The following SLC14A1 variants were observed in gnomAD, a reference collection of about 807,000 sequenced individuals.
SLC14A1 encodes the protein solute carrier family 14 member 1 (Kidd blood group).
Under a neutral mutation model 39.6 loss-of-function variants are expected in SLC14A1, and 36 were observed. The ratio of observed to expected loss-of-function variants is 0.91; its 90% CI spans 0.70 to 1.20. The LOEUF is 1.20. Among genes scored for constraint, SLC14A1 ranks in the 50% most tolerant of loss-of-function variants. The probability of loss-of-function intolerance (pLI) is 0.00; values close to 1 mark genes in which losing one functional copy is unlikely to be tolerated. For synonymous variants in SLC14A1, 164 were observed against 173.6 expected, an observed-to-expected ratio of 0.94 and a Z score of 0.43; for missense variants, 469 against 478.7, an observed-to-expected ratio of 0.98 and a Z score of 0.19.
chr18:45,739,923 T>C (rs2047311408), intron 8 of SLC14A1: 1 of 530,720 alleles, frequency 1.9e-6, no homozygotes, highest in South Asian at 2.1e-5. Flanking sequence ...TTTGGGAGGA[T>C]AGAAAAAGAA....
intron 6 of SLC14A1, among the ~76,000 whole-genome samples, chr18:45,738,687 T>C (rs1436872730): frequency 2.0e-5 from 3 of 152,218 alleles, no homozygotes; most frequent in African/African-American, 7.2e-5. Flanking sequence ...AGTGTAAGCA[T>C]CCAAATTGCA....
chr18:45,731,260 AG>A, intron 4 of SLC14A1, 56 bp downstream of exon 4: 1 of 1,532,732 alleles, frequency 6.5e-7, no homozygotes, highest in East Asian at 2.2e-5. Context: ...GGGGCTGACC[AG>A]TTACTGTGGG....
At chr18:45,737,284 G>A (rs493363) in intron 6 of SLC14A1, among the ~76,000 whole-genome samples, 39,304 of 152,128 alleles carry the variant, frequency 0.26, 6,515 homozygotes, top group Non-Finnish European at 0.37. Flanking sequence ...ACTGTATCAA[G>A]GGGTGAATCC....
intron 8 of SLC14A1, among the ~76,000 whole-genome samples, chr18:45,746,343 C>T (rs1311835044): frequency 6.6e-6 from 1 of 152,218 alleles, no homozygotes; most frequent in Admixed American, 6.5e-5. Context: ...TACTGTAAGG[C>T]TTTCCCGGTC....
intron 9 of SLC14A1, 64 bp from the exon 10 acceptor site, chr18:45,749,714 C>G (rs1332645184): frequency 1.9e-6 from 3 of 1,588,388 alleles, no homozygotes; most frequent in African/African-American, 1.3e-5. Context: ...GAGGGGGATG[C>G]CTTGTGCAGC....
Position 45,750,179 on chromosome 18 carries a change from C to A in SLC14A1, c.*228C>A. The A allele has an allele frequency of 1.4e-6, 2 of 1,425,864 alleles. No homozygotes were observed. The highest frequency in any genetic ancestry group is 1.5e-5 in the South Asian group (1 of 66,336). The allele number at this position is 1,425,864 out of a possible 1,614,324, so 88.3% of individuals were successfully genotyped here. On this transcript the variant is annotated 3_prime_UTR_variant, in exon 10 of 10. Transcript: ENST00000321925. ...TGTGCTCTGGTATGGAATTTGAAAC[C>A]CCAATGGGGCCTTGGCACTAAGACT...
chr18:45,740,745 C>G (rs1599300730), intron 8 of SLC14A1, among the ~76,000 whole-genome samples: 1 of 152,008 alleles, frequency 6.6e-6, no homozygotes, highest in African/African-American at 2.4e-5. Context: ...CCTATGTTAC[C>G]CAGGCTGATC....
In SLC14A1 at chr18:45,750,968, C is replaced by T. The variant is rs967950205; in HGVS notation, c.*1017C>T. The T allele has an allele frequency of 3.4e-5, 33 of 984,872 alleles. No homozygotes were observed. Among genetic ancestry groups the T allele is most frequent in the Non-Finnish European group, 3.9e-5 (32 of 829,582 alleles). 61.0% of individuals were successfully genotyped at this position (984,872 alleles called of 1,614,324 possible). On this transcript the variant is annotated 3_prime_UTR_variant, in exon 10 of 10. Coordinates refer to ENST00000321925, the MANE Select transcript of SLC14A1 (RefSeq NM_015865.7). ...GTTATTTTTATAAGTTGTTGAATTC[C>T]TTAATTTAAAAAAGCTCATTATTTT...
rs1295886996 is a variant in SLC14A1, at chr18:45,726,890, G to A, written c.-22+1877G>A. 1.6e-5 allele frequency: 3 copies of A among 188,324 alleles called. No individual in the cohort carries two copies. The South Asian group carries it at 3.1e-4, about 20-fold the overall frequency. The allele number at this position is 188,324 out of a possible 1,614,324, so 11.7% of individuals were successfully genotyped here. On this transcript the variant is annotated intron_variant, in intron 2 of 9. Coordinates refer to ENST00000321925, the MANE Select transcript of SLC14A1 (RefSeq NM_015865.7). ...GCCCTCACAATCTGCCCCCAAACGT[G>A]TCAGAACATGAACCCCCTCCTCCCC...
intron 6 of SLC14A1, 40 bp from the exon 7 acceptor site, chr18:45,739,123 T>A: frequency 6.2e-7 from 1 of 1,612,984 alleles, no homozygotes; most frequent in Non-Finnish European, 8.5e-7. Flanking sequence ...TTCTGTTCAG[T>A]TGTTTTGGTA....
rs1410032766 is a variant in SLC14A1, at chr18:45,739,555, A to C, written c.839A>C (p.Asp280Ala). ...AGLSLSAPFE[D>A]IYFGLWGFNS... ...CTCAGTCTTTCAGCCCCATTTGAGG[A>C]CATCTACTTTGGACTCTGGGGTTTC... Residue 280 changes from aspartate (D) to alanine (A), a missense_variant, in exon 8 of 10, where the codon GAC becomes GCC. By Grantham distance (126) the Asp-to-Ala change is moderately radical. Coordinates refer to ENST00000321925, the MANE Select transcript of SLC14A1 (RefSeq NM_015865.7). 1 of 1,613,984 alleles carries C rather than the reference A, an allele frequency of 6.2e-7. No homozygotes were observed. Among genetic ancestry groups the C allele is most frequent in the Non-Finnish European group, 8.5e-7 (1 of 1,180,012 alleles).
intron 5 of SLC14A1, among the ~76,000 whole-genome samples, chr18:45,734,928 T>C (rs1469610798): frequency 2.0e-5 from 3 of 152,236 alleles, no homozygotes; most frequent in African/African-American, 7.2e-5. Flanking sequence ...TATATTTCCT[T>C]ACAACCAGTT....
intron 5 of SLC14A1, among the ~76,000 whole-genome samples, chr18:45,736,032 A>G (rs1286362687): frequency 6.6e-6 from 1 of 152,212 alleles, no homozygotes; most frequent in African/African-American, 2.4e-5. Flanking sequence ...CTTTTCCAAA[A>G]ATAGGTATAT....
rs750167058 is a variant in SLC14A1 at position 45,731,019 on chromosome 18, ACCCGTGGTGC to A, written c.157_166del (p.Pro53SerfsTer25). 3.1e-6 allele frequency: 5 copies of A among 1,613,806 alleles called. No individual in the cohort carries two copies. Among genetic ancestry groups the A allele is most frequent in the Non-Finnish European group, 4.2e-6 (5 of 1,179,920 alleles). On this transcript the variant is annotated frameshift_variant, in exon 4 of 10. Transcript: ENST00000321925. LOFTEE classifies it high-confidence loss of function. ...GCTTTACCTCATCCCTTCCAGACAA[ACCCGTGGTGC>A]TCCAGTTCATTGACTGGATTCTCCG...
intron 4 of SLC14A1, 151 bp from the exon 5 acceptor site, chr18:45,734,123 G>C (rs2047113163): frequency 2.1e-6 from 2 of 952,822 alleles, no homozygotes; most frequent in Middle Eastern, 2.1e-4. Flanking sequence ...ATTAGTTTTT[G>C]TACGATGCTT....
rs1435597524 is a variant in SLC14A1 at position 45,734,411 on chromosome 18, C to T, written c.470+9C>T. 4.4e-6 allele frequency: 7 copies of T among 1,601,258 alleles called. No individual in the cohort carries two copies. The highest frequency in any genetic ancestry group is 6.0e-6 in the Non-Finnish European group (7 of 1,175,302). ...GCTATGTCCATGACTTGGTAAGTTA[C>T]AATTGGTTTTCAAAATGCCTTTTTG... On this transcript the variant is annotated intron_variant, in intron 5 of 9. Coordinates refer to ENST00000321925, the MANE Select transcript of SLC14A1 (RefSeq NM_015865.7).
At chr18:45,731,321 C>A in intron 4 of SLC14A1, 117 bp downstream of exon 4, 1 of 985,658 alleles carries the variant, frequency 1.0e-6, no homozygotes, top group Non-Finnish European at 1.6e-6. Flanking sequence ...ATTTAGTCCA[C>A]AGAACTGTTT....
At chr18:45,747,609 G>A (rs964630471) in intron 8 of SLC14A1, among the ~76,000 whole-genome samples, 2 of 152,066 alleles carry the variant, frequency 1.3e-5, no homozygotes, top group Non-Finnish European at 2.9e-5. Flanking sequence ...GCAGGAGAAT[G>A]GCGTGAACCC....
In SLC14A1 at chr18:45,734,077, A is replaced by G. The variant is rs1014197042; in HGVS notation, c.342-197A>G. ...GGACCACTGATCTAAATGCACATTT[A>G]TATTTTTATCTATGTATATTTCACT... On this transcript the variant is annotated intron_variant, in intron 4 of 9. Coordinates refer to ENST00000321925, the MANE Select transcript of SLC14A1 (RefSeq NM_015865.7). 6.4e-5 allele frequency: 41 copies of G among 644,498 alleles called. No homozygotes were observed. The South Asian group carries it at 7.6e-4, about 12-fold the overall frequency. 39.9% of individuals were successfully genotyped at this position (644,498 alleles called of 1,614,324 possible).
Sources: allele counts gnomAD v4.1 joint callset (sites outside exome capture counted in the v4.1 genomes callset), GRCh38; gene constraint gnomAD v4.1.1; transcripts MANE v1.5; gene names NCBI Gene and HGNC (gene_info 2026-07-23, HGNC 2026-07-21).